The following NUMB variants were observed in gnomAD, a reference collection of about 807,000 sequenced individuals.
NUMB encodes NUMB endocytic adaptor protein.
In NUMB, 29 loss-of-function variants were observed where a neutral mutation model predicts 59.7. That is an observed-to-expected ratio of 0.49 (90% CI 0.36 to 0.66). The LOEUF is 0.66. Ranked by LOEUF, NUMB falls within the 30% of genes least tolerant of loss-of-function variation. The pLI, the probability that NUMB is intolerant of heterozygous loss-of-function variation, is 0.00. For synonymous variants in NUMB, 288 were observed against 288.2 expected, an observed-to-expected ratio of 1.00 and a Z score of 0.01; for missense variants, 723 against 822.0, an observed-to-expected ratio of 0.88 and a Z score of 1.47.
chr14:73,414,187 C>T (rs1318378158), intron 1 of NUMB, among the ~76,000 whole-genome samples: 2 of 151,976 alleles, frequency 1.3e-5, no homozygotes, highest in South Asian at 4.2e-4. Flanking sequence ...AAACTCCTGA[C>T]CTCAAGTGAT....
intron 1 of NUMB, among the ~76,000 whole-genome samples, chr14:73,441,713 C>CA (rs1883082639): frequency 6.6e-6 from 1 of 151,510 alleles, no homozygotes; most frequent in Non-Finnish European, 1.5e-5. Flanking sequence ...CCATCTCTAC[C>CA]AAAAAATTTA....
At chr14:73,378,061 A>G (rs982446212) in intron 2 of NUMB, among the ~76,000 whole-genome samples, 1 of 152,100 alleles carries the variant, frequency 6.6e-6, no homozygotes, top group African/African-American at 2.4e-5. Context: ...AAAACTTAAC[A>G]GTAAGAAAAC....
At chr14:73,419,150 C>A (rs1336633632) in intron 1 of NUMB, among the ~76,000 whole-genome samples, 1 of 151,990 alleles carries the variant, frequency 6.6e-6, no homozygotes, top group Non-Finnish European at 1.5e-5. Context: ...AAAATAAATT[C>A]CTACGTAAAT....
In NUMB at chr14:73,445,354, C is replaced by CAAAAAAAAA. The variant is rs752154048; in HGVS notation, c.-233+13130_-233+13138dup. Among the ~76,000 whole-genome samples, 69 of 57,572 alleles carry CAAAAAAAAA rather than the reference C, an allele frequency of 1.2e-3. 3 individuals carry two copies. The highest frequency in any genetic ancestry group is 1.5e-3 in the South Asian group (2 of 1,366). The allele number at this position is 57,572 out of a possible 152,430, so 37.8% of individuals were successfully genotyped here. A position where few individuals can be genotyped will look rare whatever the true frequency, so the allele number is the denominator to read the frequency against. On this transcript the variant is annotated intron_variant, in intron 1 of 12. Coordinates refer to ENST00000555238, the MANE Select transcript of NUMB (RefSeq NM_001005743.2). ...TGAGTGACAAAGTGAGACCCTGTCTCAAAAAAAAAAAAAAAAAAAAAAAAA... is the reference window on the plus strand; with the variant it reads ...TGAGTGACAAAGTGAGACCCTGTCTCAAAAAAAAAAAAAAAAAAAAAAAAAAAAAAAAAA...
intron 6 of NUMB, among the ~76,000 whole-genome samples, chr14:73,311,305 C>T (rs557727127): frequency 1.3e-5 from 2 of 152,332 alleles, no homozygotes; most frequent in East Asian, 3.9e-4. Flanking sequence ...CCACCTGCCT[C>T]AGCCTCCCAA....
At chr14:73,379,985 T>C (rs542616524) in intron 2 of NUMB, among the ~76,000 whole-genome samples, 1 of 152,182 alleles carries the variant, frequency 6.6e-6, no homozygotes, top group African/African-American at 2.4e-5. Flanking sequence ...GTATTATAAA[T>C]AGATCATAAA....
At chr14:73,386,359 G>C (rs1163355880) in intron 2 of NUMB, among the ~76,000 whole-genome samples, 1 of 151,988 alleles carries the variant, frequency 6.6e-6, no homozygotes, top group Admixed American at 6.6e-5. Flanking sequence ...TTACTCCCTC[G>C]CAGCACTTCA....
At chr14:73,445,717 A>T (rs1247255484) in intron 1 of NUMB, among the ~76,000 whole-genome samples, 1 of 152,162 alleles carries the variant, frequency 6.6e-6, no homozygotes, top group Non-Finnish European at 1.5e-5. Context: ...ATCTCATATA[A>T]CCTTCAAAGC....
chr14:73,453,630 CAA>C (rs1884146389), intron 1 of NUMB, among the ~76,000 whole-genome samples: 1 of 131,030 alleles, frequency 7.6e-6, no homozygotes, highest in Non-Finnish European at 1.6e-5. Context: ...TTTTTCAAAA[CAA>C]AGTCTCGCTT....
chr14:73,377,562 C>T (rs754991611), intron 2 of NUMB, among the ~76,000 whole-genome samples: 30 of 152,254 alleles, frequency 2.0e-4, no homozygotes, highest in Middle Eastern at 3.4e-3. Flanking sequence ...ATCACTTGAA[C>T]CCTGGAGGTG....
intron 5 of NUMB, 37 bp from the exon 6 acceptor site, chr14:73,316,459 G>A (rs767907035): frequency 9.4e-6 from 15 of 1,601,480 alleles, no homozygotes; most frequent in Non-Finnish European, 1.3e-5. Context: ...TGCTATTATT[G>A]TATGGCCTAA....
intron 2 of NUMB, among the ~76,000 whole-genome samples, chr14:73,377,571 T>C (rs1895012825): frequency 6.6e-6 from 1 of 151,808 alleles, no homozygotes; most frequent in South Asian, 2.1e-4. Flanking sequence ...ACCCTGGAGG[T>C]GGAGGTTGCA....
chr14:73,283,459 T>C (rs1175107914), intron 10 of NUMB, among the ~76,000 whole-genome samples: 2 of 152,184 alleles, frequency 1.3e-5, no homozygotes, highest in Non-Finnish European at 2.9e-5. Context: ...TCTAATACTT[T>C]AGCTACAGAT....
In NUMB at chr14:73,275,611, A is replaced by T. The variant is rs1417147019; in HGVS notation, c.*967T>A. On this transcript the variant is annotated 3_prime_UTR_variant, in exon 13 of 13. Transcript: ENST00000555238. ...GAAACTGCAGCAATATATAAAAGAT[A>T]TATTCTCTATAGAGCATATTTCGAT... The T allele has an allele frequency of 6.6e-6, 1 of 152,222 alleles. No individual in the cohort carries two copies. The highest frequency in any genetic ancestry group is 1.5e-5 in the Non-Finnish European group (1 of 68,044). 9.4% of individuals were successfully genotyped at this position (152,222 alleles called of 1,614,324 possible). A position where few individuals can be genotyped will look rare whatever the true frequency, so the allele number is the denominator to read the frequency against.
intron 4 of NUMB, among the ~76,000 whole-genome samples, chr14:73,341,282 A>G (rs1892619020): frequency 6.6e-6 from 1 of 152,208 alleles, no homozygotes; most frequent in Non-Finnish European, 1.5e-5. Context: ...TATACTACCT[A>G]AAGTTAACGG....
intron 2 of NUMB, among the ~76,000 whole-genome samples, chr14:73,377,128 C>T (rs545128459): frequency 6.6e-6 from 1 of 152,242 alleles, no homozygotes; most frequent in Non-Finnish European, 1.5e-5. Context: ...AACTATAAAG[C>T]TCCTGGAAGA....
intron 6 of NUMB, among the ~76,000 whole-genome samples, chr14:73,313,945 G>A (rs901926203): frequency 1.3e-5 from 2 of 151,890 alleles, no homozygotes; most frequent in Non-Finnish European, 2.9e-5. Flanking sequence ...GTAGTAGCTG[G>A]GATTACAGGC....
At chr14:73,457,365 T>C (rs1242623361) in intron 1 of NUMB, among the ~76,000 whole-genome samples, 1 of 152,228 alleles carries the variant, frequency 6.6e-6, no homozygotes, top group Non-Finnish European at 1.5e-5. Context: ...GCTTTGGTCC[T>C]AGATGTCATC....
At chr14:73,427,220 T>A (rs1897621582) in intron 1 of NUMB, among the ~76,000 whole-genome samples, 1 of 152,028 alleles carries the variant, frequency 6.6e-6, no homozygotes, top group African/African-American at 2.4e-5. Context: ...GGCTCACGCC[T>A]GTAATCTCAG....
Sources: gnomAD v4.1 joint callset for allele counts (sites outside exome capture counted in the v4.1 genomes callset) on GRCh38, gnomAD v4.1.1 for gene constraint, MANE v1.5 for transcripts, NCBI Gene and HGNC (gene_info 2026-07-23, HGNC 2026-07-21) for gene names.